GRIK1: variants seen among roughly 807,000 people sequenced by gnomAD.
GRIK1 encodes the protein glutamate receptor ionotropic, kainate 1.
Under a neutral mutation model 105.7 loss-of-function variants are expected in GRIK1, and 69 were observed. The ratio of observed to expected loss-of-function variants is 0.65; its 90% CI spans 0.54 to 0.80. GRIK1 has a LOEUF of 0.80. Ranked by LOEUF, GRIK1 falls within the 30% of genes least tolerant of loss-of-function variation. The pLI is 0.00. For missense variants in GRIK1, 1,109 were observed against 1,167.3 expected (o/e 0.95, Z 0.73); for synonymous variants, 438 against 431.3 (o/e 1.02, Z -0.19).
intron 1 of GRIK1, among the ~76,000 whole-genome samples, chr21:29,814,378 T>C (rs1052761868): frequency 6.6e-6 from 1 of 152,064 alleles, no homozygotes; most frequent in Non-Finnish European, 1.5e-5. Context: ...GTAACTTAGA[T>C]GTTCCTCTTC....
Position 29,548,490 on chromosome 21 carries a change from AT to A in GRIK1, c.2607+6561del, listed in dbSNP as rs573615652. 6.6e-4 allele frequency among the ~76,000 whole-genome samples: 101 copies of A among 152,066 alleles called. 2 individuals carry two copies. In the South Asian group the frequency reaches 0.017, roughly 26 times the overall value. On this transcript the variant is annotated intron_variant, in intron 16 of 17. Coordinates refer to ENST00000327783, the MANE Select transcript of GRIK1 (RefSeq NM_001330994.2). ...AGTTAAAACTGCAGCATCAAGCAGA[AT>A]TTTTTTTTATTATCTACAAGAGTTA...
chr21:29,822,325 T>C (rs958700471), intron 1 of GRIK1, among the ~76,000 whole-genome samples: 2 of 152,078 alleles, frequency 1.3e-5, no homozygotes, highest in East Asian at 3.9e-4. Context: ...TGTAGTTTCC[T>C]GACCCTTGAA....
chr21:29,712,312 T>G (rs1407811487), intron 1 of GRIK1, among the ~76,000 whole-genome samples: 1 of 152,124 alleles, frequency 6.6e-6, no homozygotes, highest in Admixed American at 6.6e-5. Context: ...TTCCAATTTT[T>G]TGCTATAAAA....
At chr21:29,740,698 C>T (rs117078046) in intron 1 of GRIK1, among the ~76,000 whole-genome samples, 1,852 of 152,224 alleles carry the variant, frequency 0.012, 22 homozygotes, top group South Asian at 0.029. Context: ...ATCTATTAGC[C>T]AATTCAATTA....
At chr21:29,808,418 C>T (rs969026552) in intron 1 of GRIK1, among the ~76,000 whole-genome samples, 6 of 152,192 alleles carry the variant, frequency 3.9e-5, no homozygotes, top group African/African-American at 1.4e-4. Context: ...TACATACCAA[C>T]TGGCATCATC....
chr21:29,653,965 A>G (rs1282102891), intron 5 of GRIK1, among the ~76,000 whole-genome samples: 1 of 152,228 alleles, frequency 6.6e-6, no homozygotes, highest in East Asian at 1.9e-4. Context: ...TCCTTATTCT[A>G]AATTCTTTGA....
chr21:29,768,812 T>A (rs1228837402), intron 1 of GRIK1, among the ~76,000 whole-genome samples: 1 of 152,220 alleles, frequency 6.6e-6, no homozygotes, highest in African/African-American at 2.4e-5. Flanking sequence ...TTACGCAGTT[T>A]TCCTGATGTG....
intron 1 of GRIK1, among the ~76,000 whole-genome samples, chr21:29,736,890 G>T (rs946721464): frequency 6.6e-6 from 1 of 151,754 alleles, no homozygotes; most frequent in Admixed American, 6.6e-5. Context: ...TGTTGGTCAG[G>T]CTGGTCTCAA....
intron 7 of GRIK1, among the ~76,000 whole-genome samples, chr21:29,627,897 C>T (rs2062169498): frequency 6.6e-6 from 1 of 152,150 alleles, no homozygotes; most frequent in African/African-American, 2.4e-5. Context: ...GAAAAGAGAA[C>T]AGAGAAGGCA....
At chr21:29,905,380 C>T (rs2070574601) in intron 1 of GRIK1, among the ~76,000 whole-genome samples, 1 of 151,836 alleles carries the variant, frequency 6.6e-6, no homozygotes, top group Non-Finnish European at 1.5e-5. Context: ...TAAAATGGCC[C>T]AAGCAAAGGG....
At chr21:29,858,150 C>T (rs1268786730) in intron 1 of GRIK1, among the ~76,000 whole-genome samples, 12 of 152,124 alleles carry the variant, frequency 7.9e-5, no homozygotes, top group Admixed American at 7.2e-4. Flanking sequence ...CTGCCCACTT[C>T]GGTCTCCCAG....
At chr21:29,930,750 G>A (rs1488847954) in intron 1 of GRIK1, among the ~76,000 whole-genome samples, 1 of 152,194 alleles carries the variant, frequency 6.6e-6, no homozygotes, top group Non-Finnish European at 1.5e-5. Flanking sequence ...TTCTAAAGAA[G>A]ACGTATGACC....
At chr21:29,832,446 C>G (rs1020055784) in intron 1 of GRIK1, among the ~76,000 whole-genome samples, 2 of 152,186 alleles carry the variant, frequency 1.3e-5, no homozygotes, top group African/African-American at 4.8e-5. Flanking sequence ...CAGGCTTCTG[C>G]CTAGACATCC....
At chr21:29,859,402 C>A (rs900038573) in intron 1 of GRIK1, among the ~76,000 whole-genome samples, 2 of 149,572 alleles carry the variant, frequency 1.3e-5, no homozygotes, top group Non-Finnish European at 3.0e-5. Flanking sequence ...AATAAAAAAA[C>A]AAAAAAAAAT....
intron 16 of GRIK1, among the ~76,000 whole-genome samples, chr21:29,539,353 A>G (rs2089933480): frequency 6.6e-6 from 1 of 152,160 alleles, no homozygotes; most frequent in Non-Finnish European, 1.5e-5. Context: ...ACTAGCCTAC[A>G]GTTGGGCAAA....
intron 3 of GRIK1, among the ~76,000 whole-genome samples, chr21:29,689,446 A>T (rs1053451859): frequency 2.6e-5 from 4 of 152,214 alleles, no homozygotes; most frequent in African/African-American, 9.7e-5. Context: ...TACATGTTTA[A>T]TATTGTGATT....
chr21:29,580,902 C>G (rs2091011811), intron 13 of GRIK1, among the ~76,000 whole-genome samples: 1 of 152,106 alleles, frequency 6.6e-6, no homozygotes, highest in South Asian at 2.1e-4. Flanking sequence ...TCCCCAACTC[C>G]TACAGTTTAT....
At chr21:29,560,830 G>A (rs898554997) in intron 15 of GRIK1, among the ~76,000 whole-genome samples, 8 of 151,918 alleles carry the variant, frequency 5.3e-5, no homozygotes, top group African/African-American at 1.9e-4. Context: ...TCGATCTCCT[G>A]ACCTCGTGAT....
At chr21:29,552,512 CG>C (rs2090152429) in intron 16 of GRIK1, among the ~76,000 whole-genome samples, 1 of 151,954 alleles carries the variant, frequency 6.6e-6, no homozygotes, top group African/African-American at 2.4e-5. Flanking sequence ...CCTTCTTGCC[CG>C]TTTCCCCAGA....
Sources: allele counts gnomAD v4.1 joint callset (sites outside exome capture counted in the v4.1 genomes callset), GRCh38; gene constraint gnomAD v4.1.1; transcripts MANE v1.5; gene names NCBI Gene and HGNC (gene_info 2026-07-23, HGNC 2026-07-21).